ST3GAL1: variants seen among roughly 807,000 people sequenced by gnomAD.
The protein encoded by ST3GAL1 is CMP-N-acetylneuraminate-beta-galactosamide-alpha-2,3-sialyltransferase 1.
Under a neutral mutation model 34.1 loss-of-function variants are expected in ST3GAL1, and 16 were observed. The observed-to-expected ratio is 0.47, with a 90% CI of 0.32 to 0.71. The LOEUF (loss-of-function observed/expected upper bound fraction) is 0.71, where lower values mean the gene tolerates loss of function less well. Among genes scored for constraint, ST3GAL1 ranks in the 30% least tolerant of loss-of-function variants. The pLI is 0.04. For missense variants in ST3GAL1, 353 were observed against 447.4 expected (o/e 0.79, Z 1.90); for synonymous variants, 191 against 184.7 (o/e 1.03, Z -0.28).
chr8:133,509,945 G>C (rs887767772), intron 2 of ST3GAL1, among the ~76,000 whole-genome samples: 1 of 151,760 alleles, frequency 6.6e-6, no homozygotes, highest in Non-Finnish European at 1.5e-5. Context: ...TGTATTCCCA[G>C]CTACTCGGGT....
chr8:133,546,038 C>T (rs1041963751), intron 1 of ST3GAL1, 112 bp from the exon 2 acceptor site: 3 of 152,260 alleles, frequency 2.0e-5, no homozygotes, highest in Non-Finnish European at 4.4e-5. Context: ...ATTCCACTCA[C>T]TCACCCAATT....
rs11776567 is a variant in ST3GAL1, at chr8:133,560,336, G to T, written c.-582+11357C>A. Among the ~76,000 whole-genome samples the T allele has an allele frequency of 3.3e-5, 5 of 152,100 alleles. 1 individual carries two copies. Among genetic ancestry groups the T allele is most frequent in the African/African-American group, 1.2e-4 (5 of 41,504 alleles). On this transcript the variant is annotated intron_variant, in intron 1 of 9. Coordinates refer to ENST00000522652, the MANE Select transcript of ST3GAL1 (RefSeq NM_173344.3). ...ATAACAGAAAAAGTATTTGCATTTC[G>T]TGTGTATTATCTATTGCTGTGTAAT...
chr8:133,568,513 G>A (rs28445987), intron 1 of ST3GAL1, among the ~76,000 whole-genome samples: 28,714 of 152,166 alleles, frequency 0.19, 3,528 homozygotes, highest in East Asian at 0.62. Flanking sequence ...TGGAGTGTAT[G>A]CACACAGGCA....
intron 2 of ST3GAL1, among the ~76,000 whole-genome samples, chr8:133,530,927 G>A (rs1199498302): frequency 1.3e-5 from 2 of 152,126 alleles, no homozygotes; most frequent in Non-Finnish European, 2.9e-5. Flanking sequence ...GTGTGGTCAG[G>A]AGTTGTCAGA....
chr8:133,522,075 C>G (rs1354060502), intron 2 of ST3GAL1, among the ~76,000 whole-genome samples: 1 of 152,178 alleles, frequency 6.6e-6, no homozygotes, highest in East Asian at 1.9e-4. Flanking sequence ...TCTCCAGCAG[C>G]CCAACTCTGG....
At chr8:133,531,924 G>A (rs1201495275) in intron 2 of ST3GAL1, among the ~76,000 whole-genome samples, 1 of 150,630 alleles carries the variant, frequency 6.6e-6, no homozygotes, top group Non-Finnish European at 1.5e-5. Flanking sequence ...GGGAATCCAT[G>A]ATATCAAAGC....
At chr8:133,555,957 G>A (rs779629493) in intron 1 of ST3GAL1, among the ~76,000 whole-genome samples, 3 of 152,040 alleles carry the variant, frequency 2.0e-5, no homozygotes, top group South Asian at 2.1e-4. Flanking sequence ...GGAGTGGCAC[G>A]GTCTCGGCTC....
chr8:133,519,708 G>A (rs555583049), intron 2 of ST3GAL1, among the ~76,000 whole-genome samples: 42 of 152,304 alleles, frequency 2.8e-4, no homozygotes, highest in South Asian at 1.0e-3. Flanking sequence ...CACTTTGGGA[G>A]GCTGAGGTGG....
At chr8:133,557,052 C>T (rs1787969529) in intron 1 of ST3GAL1, among the ~76,000 whole-genome samples, 1 of 152,180 alleles carries the variant, frequency 6.6e-6, no homozygotes. Flanking sequence ...AGGCAATGGC[C>T]AACCTCAGCG....
At chr8:133,528,062 C>A (rs1259250801) in intron 2 of ST3GAL1, among the ~76,000 whole-genome samples, 1 of 151,710 alleles carries the variant, frequency 6.6e-6, no homozygotes, top group Non-Finnish European at 1.5e-5. Context: ...GTAGTAGCAG[C>A]TACTTGGGAG....
At chr8:133,474,645 C>A (rs1354062837) in intron 5 of ST3GAL1, among the ~76,000 whole-genome samples, 1 of 152,158 alleles carries the variant, frequency 6.6e-6, no homozygotes, top group Non-Finnish European at 1.5e-5. Context: ...CTCCTCTACT[C>A]CCCATTACAT....
chr8:133,506,032 C>A (rs13264080), intron 2 of ST3GAL1, among the ~76,000 whole-genome samples: 45,904 of 152,072 alleles, frequency 0.3, 7,493 homozygotes, highest in African/African-American at 0.41. Flanking sequence ...ACAGTTCCTC[C>A]GTTGCACCAG....
chr8:133,485,010 A>G (rs1816532957), intron 3 of ST3GAL1, among the ~76,000 whole-genome samples: 1 of 152,220 alleles, frequency 6.6e-6, no homozygotes, highest in South Asian at 2.1e-4. Flanking sequence ...TGGTATCTGC[A>G]ATCCACATGG....
intron 1 of ST3GAL1, among the ~76,000 whole-genome samples, chr8:133,552,270 G>A (rs921224205): frequency 1.3e-5 from 2 of 152,164 alleles, no homozygotes; most frequent in Non-Finnish European, 2.9e-5. Flanking sequence ...TGACACTGAC[G>A]GAGAAGGAGA....
chr8:133,565,768 G>A (rs780938724), intron 1 of ST3GAL1, among the ~76,000 whole-genome samples: 1 of 152,220 alleles, frequency 6.6e-6, no homozygotes, highest in African/African-American at 2.4e-5. Context: ...CATCTCCCAG[G>A]TGAGGAAACG....
intron 1 of ST3GAL1, among the ~76,000 whole-genome samples, chr8:133,554,398 T>C (rs1184084482): frequency 1.3e-5 from 2 of 152,114 alleles, no homozygotes; most frequent in African/African-American, 4.8e-5. Flanking sequence ...CCTCTGACAA[T>C]GGTGTTCCAA....
chr8:133,553,280 CT>C (rs1417310574), intron 1 of ST3GAL1, among the ~76,000 whole-genome samples: 1 of 152,186 alleles, frequency 6.6e-6, no homozygotes, highest in Non-Finnish European at 1.5e-5. Flanking sequence ...CTCTCTCCAC[CT>C]TCAACCCCAG....
intron 3 of ST3GAL1, among the ~76,000 whole-genome samples, chr8:133,488,987 C>T (rs1412621734): frequency 1.3e-5 from 2 of 152,144 alleles, no homozygotes; most frequent in African/African-American, 4.8e-5. Flanking sequence ...CAGTGACTGC[C>T]TTGGCGCCCT....
chr8:133,514,833 G>A (rs1282318977), intron 2 of ST3GAL1, among the ~76,000 whole-genome samples: 1 of 152,034 alleles, frequency 6.6e-6, no homozygotes, highest in East Asian at 1.9e-4. Flanking sequence ...CCCATCCAGG[G>A]TTCTAGGCCT....
Sources: allele counts gnomAD v4.1 joint callset (sites outside exome capture counted in the v4.1 genomes callset), GRCh38; gene constraint gnomAD v4.1.1; transcripts MANE v1.5; gene names NCBI Gene and HGNC (gene_info 2026-07-23, HGNC 2026-07-21).